THSD7B: variants seen among roughly 807,000 people sequenced by gnomAD.
The protein encoded by THSD7B is thrombospondin type-1 domain-containing protein 7B.
THSD7B carries 138 observed loss-of-function variants against 213.6 expected under a neutral mutation model. That is an observed-to-expected ratio of 0.65 (90% confidence interval 0.56 to 0.74). THSD7B has a LOEUF of 0.74. Among genes scored for constraint, THSD7B ranks in the 30% least tolerant of loss-of-function variants. The probability of loss-of-function intolerance (pLI) is 0.00; values close to 1 mark genes in which losing one functional copy is unlikely to be tolerated. For synonymous variants in THSD7B, 742 were observed against 687.0 expected, an observed-to-expected ratio of 1.08 and a Z score of -1.25; for missense variants, 1,931 against 1,991.5, an observed-to-expected ratio of 0.97 and a Z score of 0.58.
intron 1 of THSD7B, among the ~76,000 whole-genome samples, chr2:136,863,448 G>A (rs1234217413): frequency 1.3e-5 from 2 of 152,152 alleles, no homozygotes; most frequent in East Asian, 1.9e-4. Context: ...CGCCCAAGGG[G>A]CCATCCAGAT....
chr2:136,930,080 G>A (rs968294808), intron 2 of THSD7B, among the ~76,000 whole-genome samples: 4 of 152,148 alleles, frequency 2.6e-5, no homozygotes, highest in African/African-American at 9.7e-5. Flanking sequence ...TGCACTGTGA[G>A]GAAGACACAA....
intron 2 of THSD7B, among the ~76,000 whole-genome samples, chr2:137,011,031 TTAG>T (rs1359535382): frequency 6.6e-6 from 1 of 152,198 alleles, no homozygotes; most frequent in South Asian, 2.1e-4. Context: ...TAGCCTTTCA[TTAG>T]TAGAACTTGT....
chr2:137,428,240 C>T (rs567451367), intron 14 of THSD7B, among the ~76,000 whole-genome samples: 1 of 151,990 alleles, frequency 6.6e-6, no homozygotes, highest in African/African-American at 2.4e-5. Flanking sequence ...AACTACAGAC[C>T]AAAGCCCAAT....
chr2:137,308,097 G>A (rs1683800066), intron 12 of THSD7B, among the ~76,000 whole-genome samples: 2 of 152,062 alleles, frequency 1.3e-5, no homozygotes, highest in Non-Finnish European at 2.9e-5. Flanking sequence ...GCTTCCCCAC[G>A]ATTATTTCCT....
At chr2:137,451,244 A>G (rs1349076944) in intron 15 of THSD7B, among the ~76,000 whole-genome samples, 1 of 152,092 alleles carries the variant, frequency 6.6e-6, no homozygotes, top group South Asian at 2.1e-4. Flanking sequence ...CTTAGTAGTA[A>G]TAATATTTAC....
intron 15 of THSD7B, among the ~76,000 whole-genome samples, chr2:137,453,923 A>G (rs1687707195): frequency 6.6e-6 from 1 of 152,166 alleles, no homozygotes; most frequent in Non-Finnish European, 1.5e-5. Context: ...GCATCCATGT[A>G]GTCTCAAATA....
At chr2:136,901,796 C>T (rs1007270593) in intron 2 of THSD7B, among the ~76,000 whole-genome samples, 3 of 152,198 alleles carry the variant, frequency 2.0e-5, no homozygotes, top group Non-Finnish European at 4.4e-5. Context: ...TGAAAAACAT[C>T]TTGTATTCAG....
intron 17 of THSD7B, among the ~76,000 whole-genome samples, chr2:137,613,045 C>T (rs780801505): frequency 6.6e-6 from 1 of 152,082 alleles, no homozygotes; most frequent in Non-Finnish European, 1.5e-5. Flanking sequence ...CTATGGTAGT[C>T]TTTTCCTTAC....
chr2:137,205,485 A>G (rs56314104), intron 7 of THSD7B, among the ~76,000 whole-genome samples: 91,081 of 151,878 alleles, frequency 0.6, 27,703 homozygotes, highest in South Asian at 0.71. Flanking sequence ...GTTAGATTCA[A>G]TCCTTTAATT....
At chr2:137,627,552 T>G (rs1682654452) in intron 20 of THSD7B, among the ~76,000 whole-genome samples, 1 of 152,212 alleles carries the variant, frequency 6.6e-6, no homozygotes, top group South Asian at 2.1e-4. Flanking sequence ...CTCACAAATG[T>G]ATGTGCTGAT....
chr2:137,594,277 C>T (rs1681917178), intron 17 of THSD7B, among the ~76,000 whole-genome samples: 1 of 151,916 alleles, frequency 6.6e-6, no homozygotes, highest in Admixed American at 6.6e-5. Flanking sequence ...ATTAAATCTT[C>T]CAGGCACTTT....
chr2:137,201,438 C>CGGT (rs1484994317), intron 7 of THSD7B, among the ~76,000 whole-genome samples: 1 of 152,102 alleles, frequency 6.6e-6, no homozygotes, highest in African/African-American at 2.4e-5. Context: ...GATATGTACC[C>CGGT]AGCAGTGCTG....
chr2:136,888,785 G>A (rs1469272962), intron 2 of THSD7B, among the ~76,000 whole-genome samples: 3 of 152,050 alleles, frequency 2.0e-5, no homozygotes, highest in Non-Finnish European at 2.9e-5. Context: ...TTTTTTCTAA[G>A]TAGTATTAAA....
chr2:137,053,427 C>T (rs1180983242), intron 2 of THSD7B, among the ~76,000 whole-genome samples: 1 of 151,348 alleles, frequency 6.6e-6, no homozygotes, highest in African/African-American at 2.4e-5. Context: ...TTGATCTTAG[C>T]CAAAAGGCTA....
chr2:137,644,581 T>A (rs1226462598), intron 21 of THSD7B, among the ~76,000 whole-genome samples: 1 of 152,218 alleles, frequency 6.6e-6, no homozygotes, highest in Non-Finnish European at 1.5e-5. Context: ...TGCAGCCTGA[T>A]TGTTAACTCT....
At chr2:136,793,128 A>G (rs898068540) in intron 1 of THSD7B, among the ~76,000 whole-genome samples, 1 of 151,992 alleles carries the variant, frequency 6.6e-6, no homozygotes, top group Non-Finnish European at 1.5e-5. Context: ...CTGTGTTTTA[A>G]TATAAGTTTA....
chr2:137,086,046 C>T (rs1687835239), intron 3 of THSD7B, among the ~76,000 whole-genome samples: 1 of 152,082 alleles, frequency 6.6e-6, no homozygotes, highest in South Asian at 2.1e-4. Flanking sequence ...AAAAAATACA[C>T]GTTAGAAGTC....
intron 12 of THSD7B, among the ~76,000 whole-genome samples, chr2:137,360,375 G>GCCACC (rs1480621713): frequency 2.0e-5 from 3 of 152,156 alleles, no homozygotes; most frequent in African/African-American, 7.2e-5. Context: ...CAGACAGGGT[G>GCCACC]CACCCTACGG....
intron 5 of THSD7B, among the ~76,000 whole-genome samples, chr2:137,159,951 CTCTT>C (rs896227679): frequency 1.3e-4 from 20 of 152,280 alleles, no homozygotes; most frequent in African/African-American, 4.8e-4. Flanking sequence ...TTCCAGTTCT[CTCTT>C]AGATTCCCAG....
Sources: gnomAD v4.1 joint callset for allele counts (sites outside exome capture counted in the v4.1 genomes callset) on GRCh38, gnomAD v4.1.1 for gene constraint, MANE v1.5 for transcripts, NCBI Gene and HGNC (gene_info 2026-07-23, HGNC 2026-07-21) for gene names.